CFAP299: variants seen among roughly 807,000 people sequenced by gnomAD.
The protein encoded by CFAP299 is cilia- and flagella-associated protein 299.
CFAP299 carries 21 observed loss-of-function variants against 27.0 expected under a neutral mutation model. The observed-to-expected ratio is 0.78, with a 90% CI of 0.55 to 1.12. The LOEUF (loss-of-function observed/expected upper bound fraction) is 1.12. Ranked by LOEUF, CFAP299 falls within the 50% of genes most tolerant of loss-of-function variation. The pLI is 0.00. For synonymous variants in CFAP299, 104 were observed against 98.1 expected, an observed-to-expected ratio of 1.06 and a Z score of -0.36; for missense variants, 310 against 276.6, an observed-to-expected ratio of 1.12 and a Z score of -0.86.
intron 2 of CFAP299, among the ~76,000 whole-genome samples, chr4:80,559,086 G>A (rs995331618): frequency 1.3e-5 from 2 of 152,106 alleles, no homozygotes; most frequent in African/African-American, 4.8e-5. Context: ...GCTCCATGTG[G>A]TATCTGTTAG....
intron 1 of CFAP299, among the ~76,000 whole-genome samples, chr4:80,337,178 T>C (rs1207053387): frequency 6.6e-6 from 1 of 152,198 alleles, no homozygotes; most frequent in African/African-American, 2.4e-5. Context: ...TCTAAATTTT[T>C]GAATGTTTAA....
At chr4:80,388,314 C>G (rs569412444) in intron 2 of CFAP299, 9 of 686,756 alleles carry the variant, frequency 1.3e-5, no homozygotes, top group Non-Finnish European at 2.4e-5. Context: ...TCATTGCTTA[C>G]CAAGATGTTC....
At chr4:80,418,567 G>A (rs998743243) in intron 2 of CFAP299, among the ~76,000 whole-genome samples, 3 of 152,148 alleles carry the variant, frequency 2.0e-5, no homozygotes, top group Admixed American at 6.5e-5. Flanking sequence ...ATCACACTGT[G>A]CAATTGATCT....
chr4:80,362,516 A>ATT (rs11407016), intron 1 of CFAP299, among the ~76,000 whole-genome samples: 73 of 151,066 alleles, frequency 4.8e-4, no homozygotes, highest in African/African-American at 1.5e-3. Context: ...AGCAATTGAC[A>ATT]TTTTTTTTTC....
intron 3 of CFAP299, among the ~76,000 whole-genome samples, chr4:80,587,221 A>G (rs1237590579): frequency 6.6e-6 from 1 of 152,198 alleles, no homozygotes. Flanking sequence ...TGGAAATTAT[A>G]TGACTCACAC....
chr4:80,626,672 A>G (rs555010283), intron 3 of CFAP299, among the ~76,000 whole-genome samples: 1 of 151,974 alleles, frequency 6.6e-6, no homozygotes, highest in South Asian at 2.1e-4. Context: ...GAACAGGAAA[A>G]GGAGATATTA....
At chr4:80,551,363 C>A (rs2110209908) in intron 2 of CFAP299, among the ~76,000 whole-genome samples, 1 of 152,178 alleles carries the variant, frequency 6.6e-6, no homozygotes, top group South Asian at 2.1e-4. Context: ...TAGAAAATAA[C>A]TTCCTAATGC....
upstream of CFAP299, among the ~76,000 whole-genome samples, chr4:80,333,081 T>C (rs187566530): frequency 6.6e-6 from 1 of 152,256 alleles, no homozygotes; most frequent in East Asian, 1.9e-4. Context: ...ATACTTGTAT[T>C]TCTCTCTTCT....
At chr4:80,940,764 G>T (rs533184942) in intron 4 of CFAP299, among the ~76,000 whole-genome samples, 1 of 151,938 alleles carries the variant, frequency 6.6e-6, no homozygotes, top group South Asian at 2.1e-4. Flanking sequence ...ATATCTCTCT[G>T]TCCTAAAAAA....
intron 3 of CFAP299, among the ~76,000 whole-genome samples, chr4:80,852,229 A>T (rs372527805): frequency 1.3e-5 from 2 of 152,166 alleles, no homozygotes; most frequent in Non-Finnish European, 2.9e-5. Flanking sequence ...TCAAAGTGCA[A>T]TTCCCTTGAT....
intron 2 of CFAP299, among the ~76,000 whole-genome samples, chr4:80,397,019 T>G (rs1376244398): frequency 6.6e-6 from 1 of 152,088 alleles, no homozygotes; most frequent in Non-Finnish European, 1.5e-5. Context: ...CTGGACTTTT[T>G]TTGGTTGGTA....
intron 5 of CFAP299, among the ~76,000 whole-genome samples, chr4:80,946,103 A>G (rs1560487900): frequency 6.6e-6 from 1 of 152,062 alleles, no homozygotes; most frequent in Non-Finnish European, 1.5e-5. Context: ...GTCTCAAAAA[A>G]AAAAAAAAAT....
rs188124594 is a variant in CFAP299, at chr4:80,439,482, G to C, written c.242+76598G>C. On this transcript the variant is annotated intron_variant, in intron 2 of 5. Coordinates refer to ENST00000358105, the MANE Select transcript of CFAP299 (RefSeq NM_152770.3). ...CCTCCCCTTGTCAAGGGAAGCTGAG[G>C]GACTATGACATGAGGGATGGTGCTA... is the stretch of plus-strand genomic sequence containing the variant. Among the ~76,000 whole-genome samples, 721 of 152,264 alleles carry C rather than the reference G, an allele frequency of 4.7e-3. 2 individuals carry two copies. The highest frequency in any genetic ancestry group is 0.014 in the Middle Eastern group (4 of 294).
At chr4:80,582,418 G>C (rs1356079672) in intron 2 of CFAP299, among the ~76,000 whole-genome samples, 1 of 151,758 alleles carries the variant, frequency 6.6e-6, no homozygotes, top group African/African-American at 2.4e-5. Context: ...GTTCATAGCA[G>C]ACACATAATG....
intron 5 of CFAP299, among the ~76,000 whole-genome samples, chr4:80,955,035 C>A (rs4693138): frequency 0.81 from 14,772 of 18,328 alleles, 5,929 homozygotes; most frequent in East Asian, 0.85. Flanking sequence ...AAAAAAAAAA[C>A]GCACACATGG....
rs78000609 is a variant in CFAP299, at chr4:80,428,445, T to G, written c.242+65561T>G. 4.6e-3 allele frequency among the ~76,000 whole-genome samples: 702 copies of G among 152,340 alleles called. 3 individuals carry two copies. The highest frequency in any genetic ancestry group is 0.016 in the African/African-American group (661 of 41,580). On this transcript the variant is annotated intron_variant, in intron 2 of 5. Transcript: ENST00000358105. ...ACTCTGGGAAAATAATGCATAAATA[T>G]AGTAACATATGAAGAAAATGTTTCC... is the stretch of plus-strand genomic sequence containing the variant.
rs75880317 is a variant in CFAP299, at chr4:80,620,399, G to A, written c.333+37216G>A. The stretch of plus-strand genomic sequence containing the variant: ...ATTTGCTGACAAGGGAATGACCATG[G>A]AGTTGCCAGACATGGCATAGTGATG... On this transcript the variant is annotated intron_variant, in intron 3 of 5. Transcript: ENST00000358105. 2.9e-3 allele frequency among the ~76,000 whole-genome samples: 444 copies of A among 152,278 alleles called. 15 individuals carry two copies. In the East Asian group the frequency reaches 0.073, roughly 25 times the overall value.
At chr4:80,649,890 A>T (rs1009775982) in intron 3 of CFAP299, among the ~76,000 whole-genome samples, 1 of 152,050 alleles carries the variant, frequency 6.6e-6, no homozygotes, top group African/African-American at 2.4e-5. Flanking sequence ...GGTGTTAGGG[A>T]GTTTTCTTCA....
rs199941793 is a variant in CFAP299, at chr4:80,963,639, T to A, written c.*27T>A. ...TACCAACATGTTAATTTCCTAATAA[T>A]TTGCTAAATTTAAATAAATTCCGTA... On this transcript the variant is annotated 3_prime_UTR_variant, in exon 6 of 6. Transcript: ENST00000358105. 2.7e-6 allele frequency: 4 copies of A among 1,463,338 alleles called. No individual in the cohort carries two copies. In the East Asian group the frequency reaches 6.9e-5, roughly 25 times the overall value. The allele number at this position is 1,463,338 out of a possible 1,614,324, so 90.6% of individuals were successfully genotyped here. A position where few individuals can be genotyped will look rare whatever the true frequency, so the allele number is the denominator to read the frequency against.
Sources: gnomAD v4.1 joint callset for allele counts (sites outside exome capture counted in the v4.1 genomes callset) on GRCh38, gnomAD v4.1.1 for gene constraint, MANE v1.5 for transcripts, NCBI Gene and HGNC (gene_info 2026-07-23, HGNC 2026-07-21) for gene names.